CHID1: variants seen among roughly 807,000 people sequenced by gnomAD.
The protein encoded by CHID1 is chitinase domain-containing protein 1.
Under a neutral mutation model 55.4 loss-of-function variants are expected in CHID1, and 44 were observed. That is an observed-to-expected ratio of 0.79 (90% CI 0.62 to 1.02). CHID1 has a LOEUF of 1.02. Among genes scored for constraint, CHID1 ranks in the 50% least tolerant of loss-of-function variants. The pLI is 0.00. For missense variants in CHID1, 491 were observed against 515.3 expected (o/e 0.95, Z 0.46); for synonymous variants, 216 against 212.9 (o/e 1.01, Z -0.13).
At chr11:914,402 C>G (rs149048086), upstream of CHID1, 3,255 of 638,668 alleles carry the variant, frequency 5.1e-3, 15 homozygotes, top group Non-Finnish European at 7.2e-3. Context: ...CACTGCCTGT[C>G]TGCCGTGGGC....
chr11:903,169 G>A (rs1177984596), intron 2 of CHID1, 58 bp from the exon 3 acceptor site: 2 of 1,556,746 alleles, frequency 1.3e-6, no homozygotes, highest in African/African-American at 1.3e-5. Flanking sequence ...GTAGAGCACA[G>A]AGCCCCACCC....
chr11:896,376 C>T (rs567045584), intron 7 of CHID1, among the ~76,000 whole-genome samples: 1 of 125,232 alleles, frequency 8.0e-6, no homozygotes, highest in South Asian at 2.7e-4. Flanking sequence ...ACCCTAGACA[C>T]AACAAGCCTG....
chr11:910,641 C>T lies in CHID1; in HGVS notation c.-44+134G>A, dbSNP rs1261863690. ...CACACACTTGCTCTCTCTCACGCACCCGCCCGGCGTCGCCCGCGACCCCAC... is the reference window on the plus strand; with the variant it reads ...CACACACTTGCTCTCTCTCACGCACTCGCCCGGCGTCGCCCGCGACCCCAC... On this transcript the variant is annotated intron_variant, in intron 1 of 12. Coordinates refer to ENST00000323578, the MANE Select transcript of CHID1 (RefSeq NM_023947.4). The T allele has an allele frequency of 6.3e-6, 8 of 1,267,918 alleles. No individual in the cohort carries two copies. The Admixed American group carries it at 1.2e-4, about 19-fold the overall frequency. The allele number at this position is 1,267,918 out of a possible 1,614,324, so 78.5% of individuals were successfully genotyped here. A position where few individuals can be genotyped will look rare whatever the true frequency, so the allele number is the denominator to read the frequency against.
chr11:910,937 TCGGGGCCGGGGCCGGGGCCGGGGCCGGGG>T, upstream of CHID1: 1 of 592,314 alleles, frequency 1.7e-6, no homozygotes, highest in Non-Finnish European at 2.1e-6. Flanking sequence ...TGCCCGAAAG[TCGGGGCCGGGGCCGGGGCCGGGGCCGGGG>T]CGGGGCCGCG....
chr11:883,934 G>A, intron 9 of CHID1, 134 bp downstream of exon 9: 2 of 712,128 alleles, frequency 2.8e-6, no homozygotes, highest in Admixed American at 2.4e-5. Context: ...TGGGTGTCCA[G>A]ACTCAGCAGG....
chr11:904,454 C>T (rs12287536), intron 2 of CHID1, among the ~76,000 whole-genome samples: 2 of 152,290 alleles, frequency 1.3e-5, no homozygotes, highest in East Asian at 1.9e-4. Context: ...ACAAGCCCCA[C>T]GTGGGGTGAG....
chr11:876,496 G>A (rs564472405), intron 10 of CHID1, among the ~76,000 whole-genome samples: 4 of 152,296 alleles, frequency 2.6e-5, no homozygotes, highest in East Asian at 3.9e-4. Flanking sequence ...CAGGAGTGCC[G>A]TCCACTCGTA....
At chr11:906,238 G>A (rs957781261) in intron 1 of CHID1, among the ~76,000 whole-genome samples, 2 of 150,912 alleles carry the variant, frequency 1.3e-5, no homozygotes, top group Non-Finnish European at 3.0e-5. Flanking sequence ...CCCGGCTGTG[G>A]GACTTTTTTT....
chr11:890,221 C>T (rs983930758), intron 8 of CHID1, among the ~76,000 whole-genome samples: 21 of 152,250 alleles, frequency 1.4e-4, no homozygotes, highest in African/African-American at 3.4e-4. Context: ...GGGGTGCCTA[C>T]GGTCCCCCAC....
intron 8 of CHID1, among the ~76,000 whole-genome samples, chr11:890,808 C>T (rs938784848): frequency 6.6e-6 from 1 of 152,194 alleles, no homozygotes; most frequent in African/African-American, 2.4e-5. Flanking sequence ...CAGGACCAGA[C>T]ACCCTGGGGT....
chr11:902,976 C>T lies in CHID1; in HGVS notation c.247G>A (p.Gly83Ser), dbSNP rs1851933859. 6 of 1,613,948 alleles carry T rather than the reference C, an allele frequency of 3.7e-6. No individual in the cohort carries two copies. Among genetic ancestry groups the T allele is most frequent in the Non-Finnish European group, 5.1e-6 (6 of 1,179,966 alleles). Residue 83 changes from glycine (G) to serine (S), a missense_variant, in exon 3 of 13, where the codon GGC becomes AGC. Physicochemically the swap from Gly to Ser is moderately conservative, Grantham distance 56. Coordinates refer to ENST00000323578, the MANE Select transcript of CHID1 (RefSeq NM_023947.4). ...CCCCAACTTACTGGAGTGACATAGC[C>T]CAGTACATCCCCAGCAAAGTGTCTG... ...RDRHFAGDVL[G>S]YVTPWNSHGY...
chr11:886,586 T>C (rs1435796199), intron 8 of CHID1, among the ~76,000 whole-genome samples: 3 of 152,232 alleles, frequency 2.0e-5, no homozygotes, highest in Non-Finnish European at 2.9e-5. Context: ...GAGGCCATGA[T>C]GACGCGCCCC....
At chr11:898,451 G>A (rs542159826) in intron 7 of CHID1, among the ~76,000 whole-genome samples, 1 of 152,232 alleles carries the variant, frequency 6.6e-6, no homozygotes, top group African/African-American at 2.4e-5. Flanking sequence ...ACCCGCGGTG[G>A]AGACCGCACC....
intron 10 of CHID1, 49 bp from the exon 11 acceptor site, chr11:870,548 GC>G: frequency 7.5e-7 from 1 of 1,336,276 alleles, no homozygotes; most frequent in Non-Finnish European, 1.1e-6. Context: ...CTCCCCCACA[GC>G]CCCACCCTGT....
upstream of CHID1, among the ~76,000 whole-genome samples, chr11:911,654 T>G (rs1852696083): frequency 6.6e-6 from 1 of 152,170 alleles, no homozygotes; most frequent in Admixed American, 6.5e-5. Flanking sequence ...AAACTAAGCT[T>G]TGTCTTTCTT....
At chr11:891,973 G>T (rs1382200598) in intron 8 of CHID1, among the ~76,000 whole-genome samples, 1 of 151,666 alleles carries the variant, frequency 6.6e-6, no homozygotes, top group African/African-American at 2.4e-5. Context: ...CAAATTAACT[G>T]GGTGTGGTGA....
At chr11:899,280 G>C (rs1393025649) in intron 7 of CHID1, 60 bp downstream of exon 7, 1 of 1,508,906 alleles carries the variant, frequency 6.6e-7, no homozygotes, top group African/African-American at 1.4e-5. Flanking sequence ...CTTTCCTCCA[G>C]CCTCCTTCAA....
rs1850518897 is a variant in CHID1 at position 887,974 on chromosome 11, A to G, written c.702-3805T>C. 9.9e-5 allele frequency among the ~76,000 whole-genome samples: 15 copies of G among 152,090 alleles called. 1 individual carries two copies. Among genetic ancestry groups the G allele is most frequent in the Admixed American group, 9.8e-4 (15 of 15,284 alleles). ...GGCACAGAAACCACGAATGCTCCCC[A>G]TGCGTCCACCAGAAATGCAGCTCCA... On this transcript the variant is annotated intron_variant, in intron 8 of 12. Coordinates refer to ENST00000323578, the MANE Select transcript of CHID1 (RefSeq NM_023947.4).
At chr11:891,807 G>C (rs1850845143) in intron 8 of CHID1, among the ~76,000 whole-genome samples, 2 of 152,080 alleles carry the variant, frequency 1.3e-5, no homozygotes, top group Admixed American at 6.5e-5. Context: ...CAAACCCTGG[G>C]AACACAGGTC....
Sources: gnomAD v4.1 joint callset for allele counts (sites outside exome capture counted in the v4.1 genomes callset) on GRCh38, gnomAD v4.1.1 for gene constraint, MANE v1.5 for transcripts, NCBI Gene and HGNC (gene_info 2026-07-23, HGNC 2026-07-21) for gene names.